The following NAT16 variants were observed in gnomAD, a reference collection of about 807,000 sequenced individuals.
NAT16 encodes probable N-acetyltransferase 16.
NAT16 carries 16 observed loss-of-function variants against 15.9 expected under a neutral mutation model. The ratio of observed to expected loss-of-function variants is 1.01; its 90% confidence interval spans 0.68 to 1.53. The LOEUF (loss-of-function observed/expected upper bound fraction) is 1.53, where lower values mean the gene tolerates loss of function less well. Ranked by LOEUF, NAT16 falls within the 40% of genes most tolerant of loss-of-function variation. The pLI, the probability that NAT16 is intolerant of heterozygous loss-of-function variation, is 0.00. For missense variants in NAT16, 572 were observed against 508.4 expected (o/e 1.13, Z -1.20); for synonymous variants, 260 against 241.9 (o/e 1.07, Z -0.69).
At chr7:101,176,266 G>A (rs969735669) in intron 1 of NAT16, among the ~76,000 whole-genome samples, 4 of 152,168 alleles carry the variant, frequency 2.6e-5, no homozygotes, top group African/African-American at 7.2e-5. Flanking sequence ...CAGCCGAGGC[G>A]GGTAGATCAC....
chr7:101,172,103 C>G lies in NAT16; in HGVS notation c.1086G>C (p.Gln362His). 1 of 1,613,606 alleles carries G rather than the reference C, an allele frequency of 6.2e-7. No homozygotes were observed. Residue 362 changes from glutamine (Q) to histidine (H), a missense_variant, in exon 4 of 4, where the codon CAG becomes CAC. By Grantham distance (24) the Gln-to-His change is conservative. Transcript: ENST00000300303. This position sits in a 1 kb window ranked among gnomAD's most constrained non-coding sequence, Gnocchi z 4.2. ...CTCAGATGTCGGCCTCCAGCAGGTA[C>G]TGTTCAGTATAACCCTTCACCAGCT... is the stretch of plus-strand genomic sequence containing the variant. ...GLELVKGYTE[Q>H]YLLEADI
rs1209422910 is a variant in NAT16, at chr7:101,170,505, G to A, written c.*1574C>T. 6.6e-6 allele frequency: 1 copy of A among 152,436 alleles called. No individual in the cohort carries two copies. Among genetic ancestry groups the A allele is most frequent in the Non-Finnish European group, 1.5e-5 (1 of 68,096 alleles). 9.4% of individuals were successfully genotyped at this position (152,436 alleles called of 1,614,324 possible). ...AAACAGACACAGAGGGTGGCCAAAA[G>A]GTCCATTTTATTGTCATACAATCGT... On this transcript the variant is annotated 3_prime_UTR_variant, in exon 4 of 4. Transcript: ENST00000300303.
intron 1 of NAT16, among the ~76,000 whole-genome samples, chr7:101,177,653 A>T (rs574554381): frequency 1.3e-5 from 2 of 152,260 alleles, no homozygotes; most frequent in Admixed American, 1.3e-4. Context: ...TGCCCAGCCA[A>T]GATCTGTTTT....
intron 1 of NAT16, among the ~76,000 whole-genome samples, chr7:101,176,131 A>G (rs2116731609): frequency 6.6e-6 from 1 of 152,218 alleles, no homozygotes; most frequent in East Asian, 1.9e-4. Context: ...GTAGACCCCA[A>G]ATATCCTCCA....
chr7:101,178,225 G>A (rs961453136), intron 1 of NAT16, among the ~76,000 whole-genome samples: 11 of 152,156 alleles, frequency 7.2e-5, no homozygotes, highest in Admixed American at 5.9e-4. Context: ...GAGTCATGGG[G>A]AGGGAAGAAC....
At chr7:101,176,590 T>C (rs1034651572) in intron 1 of NAT16, among the ~76,000 whole-genome samples, 4 of 127,326 alleles carry the variant, frequency 3.1e-5, no homozygotes, top group African/African-American at 1.2e-4. Context: ...TCCTTCCTTC[T>C]GCCCCTCTTC....
At chr7:101,177,373 C>T (rs939876893) in intron 1 of NAT16, among the ~76,000 whole-genome samples, 5 of 151,932 alleles carry the variant, frequency 3.3e-5, no homozygotes, top group Admixed American at 2.0e-4. Context: ...GTCGGGGTCT[C>T]GCTCTGTCAC....
In NAT16 at chr7:101,174,526, C is replaced by T. The variant is rs756753482; in HGVS notation, c.282G>A (p.Thr94=). The T allele has an allele frequency of 9.9e-6, 16 of 1,613,454 alleles. No homozygotes were observed. The highest frequency in any genetic ancestry group is 1.7e-5 in the Admixed American group (1 of 59,978). Residue 94 remains threonine, a synonymous_variant, in exon 2 of 4, where the codon ACG becomes ACA. Coordinates refer to ENST00000300303, the MANE Select transcript of NAT16 (RefSeq NM_198571.3). ...YHSWLRDPDR[T]VVLAKRNGGV... is the part of the protein sequence containing the mutation. ...CTCCGTTGCGCTTGGCCAGCACCAC[C>T]GTGCGGTCGGGGTCCCGGAGCCAGC...
rs959357646 is a variant in NAT16 at position 101,177,391 on chromosome 7, G to A, written c.-4-2580C>T. 5.3e-5 allele frequency among the ~76,000 whole-genome samples: 8 copies of A among 151,950 alleles called. No homozygotes were observed. The South Asian group carries it at 6.3e-4, about 12-fold the overall frequency. ...GGGGTCTCGCTCTGTCACCCAGGCC[G>A]GAGTGCAATGGCATCATCGTAGCTC... is the stretch of plus-strand genomic sequence containing the variant. On this transcript the variant is annotated intron_variant, in intron 1 of 3. Transcript: ENST00000300303.
chr7:101,172,135 CCA>C lies in NAT16; in HGVS notation c.1052_1053del (p.Leu351ArgfsTer10), dbSNP rs781265119. ...SQLADFCQVG[L>X]GLELVKGYTE... is the part of the protein sequence containing the mutation. ...GTATAACCCTTCACCAGCTCCAGTCCCAGCCCGACCTGGCAGAAGTCAGCCAG... is the reference window on the plus strand; with the variant it reads ...GTATAACCCTTCACCAGCTCCAGTCCGCCCGACCTGGCAGAAGTCAGCCAG... On this transcript the variant is annotated frameshift_variant, in exon 4 of 4. Transcript: ENST00000300303. LOFTEE classifies it high-confidence loss of function. This position sits in a 1 kb window ranked among gnomAD's most constrained non-coding sequence, Gnocchi z 4.2. 2 of 1,614,108 alleles carry C rather than the reference CCA, an allele frequency of 1.2e-6. No homozygotes were observed. Among genetic ancestry groups the C allele is most frequent in the Non-Finnish European group, 1.7e-6 (2 of 1,179,998 alleles).
chr7:101,176,871 G>C (rs1225867108), intron 1 of NAT16, among the ~76,000 whole-genome samples: 1 of 152,068 alleles, frequency 6.6e-6, no homozygotes, highest in Non-Finnish European at 1.5e-5. Context: ...CTGTGGGGGT[G>C]ATATTGACTT....
chr7:101,172,611 G>A lies in NAT16; in HGVS notation c.578C>T (p.Ala193Val). ...LVRFNASALL[A>V]GLGARLAALR... ...CGCCGCCAGCCGCGCGCCCAGCCCG[G>A]CCAGCAGCGCGGACGCGTTGAATCG... Residue 193 changes from alanine to valine, a missense_variant, in exon 4 of 4, where the codon GCC becomes GTC. Ala to Val is a moderately conservative substitution (Grantham distance 64, BLOSUM62 0). Coordinates refer to ENST00000300303, the MANE Select transcript of NAT16 (RefSeq NM_198571.3). The surrounding 1 kb of genome is among the most constrained non-coding windows in gnomAD (Gnocchi z 4.2). The A allele has an allele frequency of 6.6e-7, 1 of 1,526,240 alleles. No homozygotes were observed. Among genetic ancestry groups the A allele is most frequent in the South Asian group, 1.2e-5 (1 of 83,652 alleles). The allele number at this position is 1,526,240 out of a possible 1,614,324, so 94.5% of individuals were successfully genotyped here.
chr7:101,175,873 G>T (rs1797453765), intron 1 of NAT16, among the ~76,000 whole-genome samples: 1 of 150,802 alleles, frequency 6.6e-6, no homozygotes, highest in Admixed American at 6.6e-5. Flanking sequence ...AGTGAGCCGG[G>T]ATCACACCAC....
At position 101,174,590 on chromosome 7, in the gene NAT16, A is replaced by G. The variant is rs764724362; in HGVS notation, c.218T>C (p.Ile73Thr). The change falls in exon 2 of 4, where the codon ATC (isoleucine) becomes ACC (threonine). Residue 73 changes from isoleucine to threonine, a missense_variant. Transcript: ENST00000300303. Reference sequence around the variant, plus strand: ...AGGAAGGTAGTCCAGGCCGCCGTAGATGCCCCCCGAGATGGCCAGCACTTC... The same window carrying G: ...AGGAAGGTAGTCCAGGCCGCCGTAGGTGCCCCCCGAGATGGCCAGCACTTC... ...FEEVLAISGGIYGGLDYLPSR... is the reference protein window; with the variant it reads ...FEEVLAISGGTYGGLDYLPSR... 1 of 1,614,102 alleles carries G rather than the reference A, an allele frequency of 6.2e-7. No homozygotes were observed. Among genetic ancestry groups the G allele is most frequent in the South Asian group, 1.1e-5 (1 of 91,078 alleles).
intron 1 of NAT16, among the ~76,000 whole-genome samples, chr7:101,175,267 C>T (rs1584222739): frequency 6.6e-6 from 1 of 150,854 alleles, no homozygotes; most frequent in African/African-American, 2.4e-5. Context: ...TTCTTCATTT[C>T]TTCTTCTTAT....
chr7:101,171,973 G>A lies in NAT16; in HGVS notation c.*106C>T. The A allele has an allele frequency of 1.3e-6, 1 of 773,706 alleles. No homozygotes were observed. Among genetic ancestry groups the A allele is most frequent in the Non-Finnish European group, 2.1e-6 (1 of 469,354 alleles). The allele number at this position is 773,706 out of a possible 1,614,324, so 47.9% of individuals were successfully genotyped here. A position where few individuals can be genotyped will look rare whatever the true frequency, so the allele number is the denominator to read the frequency against. On this transcript the variant is annotated 3_prime_UTR_variant, in exon 4 of 4. Coordinates refer to ENST00000300303, the MANE Select transcript of NAT16 (RefSeq NM_198571.3). ...AAGGGCAGGAGGGCAGGAGTCAGAG[G>A]GGACTTCCCAGGAGACGCAGCGTCG...
chr7:101,173,914 G>A (rs1372204019), intron 2 of NAT16: 3 of 225,568 alleles, frequency 1.3e-5, no homozygotes, highest in African/African-American at 2.3e-5. Flanking sequence ...TTATTTTTTG[G>A]AGACAGGGGT....
intron 1 of NAT16, among the ~76,000 whole-genome samples, chr7:101,178,245 C>A (rs116657649): frequency 0.012 from 1,849 of 152,298 alleles, 33 homozygotes; most frequent in African/African-American, 0.042. Flanking sequence ...CTTTCCAATG[C>A]ATCCCCCATC....
intron 1 of NAT16, among the ~76,000 whole-genome samples, chr7:101,179,794 C>G (rs2116738530): frequency 1.3e-5 from 2 of 151,274 alleles, no homozygotes; most frequent in Admixed American, 6.6e-5. Flanking sequence ...GCGGGGGTTC[C>G]CCTGGGCGCC....
Sources: gnomAD v4.1 joint callset for allele counts (sites outside exome capture counted in the v4.1 genomes callset) on GRCh38, gnomAD v4.1.1 for gene constraint, Gnocchi (gnomAD v3.1) non-coding constraint, MANE v1.5 for transcripts, NCBI Gene and HGNC (gene_info 2026-07-23, HGNC 2026-07-21) for gene names.